MAN2A1: variants seen among roughly 807,000 people sequenced by gnomAD.
The protein encoded by MAN2A1 is alpha-mannosidase 2.
Under a neutral mutation model 142.6 loss-of-function variants are expected in MAN2A1, and 76 were observed. The observed-to-expected ratio is 0.53, with a 90% CI of 0.44 to 0.65. The LOEUF is 0.65. MAN2A1 is among the 30% of genes least tolerant of loss of function. The pLI, the probability that MAN2A1 is intolerant of heterozygous loss-of-function variation, is 0.00. For missense variants in MAN2A1, 1,311 were observed against 1,365.1 expected (o/e 0.96, Z 0.62); for synonymous variants, 559 against 473.2 (o/e 1.18, Z -2.35).
chr5:109,739,191 A>G (rs1183978414), intron 4 of MAN2A1, among the ~76,000 whole-genome samples: 1 of 152,066 alleles, frequency 6.6e-6, no homozygotes, highest in South Asian at 2.1e-4. Flanking sequence ...TTCTCTCTTA[A>G]AGCTTTCTTA....
chr5:109,756,620 T>G (rs529297041), intron 5 of MAN2A1, among the ~76,000 whole-genome samples: 1 of 152,346 alleles, frequency 6.6e-6, no homozygotes, highest in Admixed American at 6.5e-5. Flanking sequence ...ACTTAATTTT[T>G]TCTGTTTCCG....
intron 8 of MAN2A1, among the ~76,000 whole-genome samples, chr5:109,777,478 TAA>T (rs1265630198): frequency 1.3e-5 from 2 of 152,082 alleles, no homozygotes; most frequent in Non-Finnish European, 2.9e-5. Context: ...TTTTTTCATA[TAA>T]AAGTTATGCA....
intron 4 of MAN2A1, among the ~76,000 whole-genome samples, chr5:109,742,744 A>G (rs1185360888): frequency 6.6e-6 from 1 of 152,174 alleles, no homozygotes; most frequent in African/African-American, 2.4e-5. Flanking sequence ...TCATTTGCAG[A>G]TTTGGATTGA....
rs1282249335 is a variant in MAN2A1 at position 109,823,725 on chromosome 5, T to A, written c.2454T>A (p.Pro818=). Reference sequence around the variant, plus strand: ...TAAATATATTATTTTCTTTTCAGCCTTATGTTTACACAACACCGCCCTTTG... The same window carrying A: ...TAAATATATTATTTTCTTTTCAGCCATATGTTTACACAACACCGCCCTTTG... ...YLFLPDGNAK[P]YVYTTPPFVR... is the part of the protein sequence containing the mutation. The change falls in exon 16 of 22, where the codon CCT becomes CCA. Residue 818 remains proline, a splice_region_variant and synonymous_variant. Transcript: ENST00000261483. 6.5e-7 allele frequency: 1 copy of A among 1,530,920 alleles called. No homozygotes were observed. Among genetic ancestry groups the A allele is most frequent in the Non-Finnish European group, 9.0e-7 (1 of 1,108,014 alleles). 94.8% of individuals were successfully genotyped at this position (1,530,920 alleles called of 1,614,324 possible). A position where few individuals can be genotyped will look rare whatever the true frequency, so the allele number is the denominator to read the frequency against.
intron 1 of MAN2A1, among the ~76,000 whole-genome samples, chr5:109,709,858 C>T (rs995630932): frequency 1.3e-5 from 2 of 152,052 alleles, no homozygotes; most frequent in African/African-American, 4.8e-5. Flanking sequence ...ATTTTCTTGC[C>T]CTACAGAAAA....
chr5:109,832,381 C>T (rs181944415), intron 16 of MAN2A1, among the ~76,000 whole-genome samples: 4 of 151,728 alleles, frequency 2.6e-5, no homozygotes, highest in Admixed American at 2.0e-4. Context: ...TGACTCTTAA[C>T]GAGCATGCTG....
intron 4 of MAN2A1, among the ~76,000 whole-genome samples, chr5:109,741,404 T>C (rs964475827): frequency 6.6e-6 from 1 of 152,234 alleles, no homozygotes; most frequent in Non-Finnish European, 1.5e-5. Context: ...GAAAACTTAA[T>C]AGATATTTAA....
At chr5:109,701,982 C>T (rs572903466) in intron 1 of MAN2A1, among the ~76,000 whole-genome samples, 2 of 152,270 alleles carry the variant, frequency 1.3e-5, no homozygotes, top group East Asian at 3.9e-4. Context: ...AAGGGAGATG[C>T]TGATCTGGTA....
At position 109,826,391 on chromosome 5, in the gene MAN2A1, G is replaced by A. The variant is rs887161380; in HGVS notation, c.2566+2554G>A. ...AGAAGCCGTCATATATAAACTGGAC[G>A]TAACCTGTAAATCTTTTTTCATTCT... On this transcript the variant is annotated intron_variant, in intron 16 of 21. Transcript: ENST00000261483. 3.3e-5 allele frequency among the ~76,000 whole-genome samples: 5 copies of A among 151,972 alleles called. No homozygotes were observed. The East Asian group carries it at 5.8e-4, about 18-fold the overall frequency.
intron 4 of MAN2A1, among the ~76,000 whole-genome samples, chr5:109,741,607 G>A (rs543313004): frequency 7.2e-5 from 11 of 152,234 alleles, no homozygotes; most frequent in Non-Finnish European, 1.6e-4. Context: ...AGAGTTCCAC[G>A]TAAGCTTTCA....
intron 5 of MAN2A1, among the ~76,000 whole-genome samples, chr5:109,759,541 T>A (rs1445034357): frequency 6.6e-6 from 1 of 152,170 alleles, no homozygotes; most frequent in Non-Finnish European, 1.5e-5. Flanking sequence ...CTATGGTGAA[T>A]CATACTGTGA....
intron 9 of MAN2A1, among the ~76,000 whole-genome samples, chr5:109,783,637 A>G (rs1582893211): frequency 6.6e-6 from 1 of 152,094 alleles, no homozygotes; most frequent in East Asian, 1.9e-4. Flanking sequence ...CTGAATCTTG[A>G]TAACATTTTC....
intron 2 of MAN2A1, among the ~76,000 whole-genome samples, chr5:109,715,407 A>G (rs1451042578): frequency 6.6e-6 from 1 of 152,064 alleles, no homozygotes; most frequent in Non-Finnish European, 1.5e-5. Context: ...TATAGAGACT[A>G]TGAAGAACAA....
chr5:109,819,440 T>C (rs1479671683), intron 13 of MAN2A1, among the ~76,000 whole-genome samples: 1 of 152,178 alleles, frequency 6.6e-6, no homozygotes, highest in East Asian at 1.9e-4. Flanking sequence ...TGTAAATAGT[T>C]ATTATACTAT....
intron 15 of MAN2A1, among the ~76,000 whole-genome samples, chr5:109,822,682 AT>A (rs571391065): frequency 0.014 from 2,146 of 148,106 alleles, 20 homozygotes; most frequent in Non-Finnish European, 0.022. Context: ...TGAAAAAAAA[AT>A]TTTTTTTTTT....
At chr5:109,809,967 C>A (rs550798272) in intron 12 of MAN2A1, among the ~76,000 whole-genome samples, 1 of 151,810 alleles carries the variant, frequency 6.6e-6, no homozygotes, top group African/African-American at 2.4e-5. Context: ...TTCTCTTTTG[C>A]TGAGTTAAAT....
intron 4 of MAN2A1, among the ~76,000 whole-genome samples, chr5:109,738,201 C>T (rs528165097): frequency 4.0e-5 from 6 of 151,404 alleles, no homozygotes; most frequent in East Asian, 1.9e-4. Flanking sequence ...GCTACTGTTC[C>T]CCTATCAGCT....
intron 4 of MAN2A1, among the ~76,000 whole-genome samples, chr5:109,732,394 T>C (rs1485139529): frequency 1.3e-5 from 2 of 152,252 alleles, no homozygotes; most frequent in Non-Finnish European, 2.9e-5. Context: ...ATTTTGACTT[T>C]TGTTTCCATT....
chr5:109,787,123 A>T (rs959441834), intron 10 of MAN2A1, among the ~76,000 whole-genome samples: 1 of 152,098 alleles, frequency 6.6e-6, no homozygotes, highest in Non-Finnish European at 1.5e-5. Context: ...TCAGCTTAAA[A>T]GTATTAATAG....
Sources: gnomAD v4.1 joint callset for allele counts (sites outside exome capture counted in the v4.1 genomes callset) on GRCh38, gnomAD v4.1.1 for gene constraint, MANE v1.5 for transcripts, NCBI Gene and HGNC (gene_info 2026-07-23, HGNC 2026-07-21) for gene names.